Variants in COL23A1 observed in about 807,000 individuals in gnomAD.
COL23A1 encodes collagen type XXIII alpha 1 chain.
In COL23A1, 97 loss-of-function variants were observed where a neutral mutation model predicts 99.3. The ratio of observed to expected loss-of-function variants is 0.98; its 90% confidence interval spans 0.83 to 1.16. COL23A1 has a LOEUF of 1.16. Among genes scored for constraint, COL23A1 ranks in the 50% most tolerant of loss-of-function variants. COL23A1 has a pLI of 0.00. For synonymous variants in COL23A1, 320 were observed against 308.2 expected, an observed-to-expected ratio of 1.04 and a Z score of -0.40; for missense variants, 762 against 757.4, an observed-to-expected ratio of 1.01 and a Z score of -0.07.
At chr5:178,535,139 A>AT in intron 2 of COL23A1, among the ~76,000 whole-genome samples, 1 of 151,850 alleles carries the variant, frequency 6.6e-6, no homozygotes, top group African/African-American at 2.4e-5. Flanking sequence ...CACCCGGCTA[A>AT]TTTTTTGTAT....
chr5:178,298,683 G>T (rs1297490506), intron 3 of COL23A1, among the ~76,000 whole-genome samples: 1 of 152,166 alleles, frequency 6.6e-6, no homozygotes, highest in African/African-American at 2.4e-5. Context: ...GCTGCACCCT[G>T]GCTCCCAGCT....
At chr5:178,552,395 A>G (rs1364201900) in intron 2 of COL23A1, among the ~76,000 whole-genome samples, 1 of 152,178 alleles carries the variant, frequency 6.6e-6, no homozygotes, top group Non-Finnish European at 1.5e-5. Flanking sequence ...AAAATCAGAC[A>G]CACAAATGAC....
At chr5:178,547,342 T>C (rs188309510) in intron 2 of COL23A1, among the ~76,000 whole-genome samples, 1 of 151,846 alleles carries the variant, frequency 6.6e-6, no homozygotes, top group Non-Finnish European at 1.5e-5. Flanking sequence ...GGCGAGAACA[T>C]GGGAAAGAAC....
At chr5:178,486,598 T>G (rs1207089707) in intron 2 of COL23A1, among the ~76,000 whole-genome samples, 1 of 151,692 alleles carries the variant, frequency 6.6e-6, no homozygotes, top group Non-Finnish European at 1.5e-5. Flanking sequence ...GAAGAGACAG[T>G]TGGGTGGTTT....
chr5:178,304,505 C>CAAA (rs35806686), intron 3 of COL23A1, among the ~76,000 whole-genome samples: 13 of 32,212 alleles, frequency 4.0e-4, no homozygotes, highest in Non-Finnish European at 5.7e-4. Flanking sequence ...GCGACTGTCT[C>CAAA]AAAAAAAAAA....
At chr5:178,377,182 AC>A (rs1486692427) in intron 2 of COL23A1, among the ~76,000 whole-genome samples, 1 of 152,192 alleles carries the variant, frequency 6.6e-6, no homozygotes, top group Middle Eastern at 3.2e-3. Context: ...ACCAGCATCC[AC>A]CCAGCAGAGC....
chr5:178,426,348 C>T (rs1765934156), intron 2 of COL23A1, among the ~76,000 whole-genome samples: 1 of 152,212 alleles, frequency 6.6e-6, no homozygotes, highest in African/African-American at 2.4e-5. Context: ...GCATTCTCCC[C>T]TTCCTCATTA....
At chr5:178,507,937 A>G (rs1451460935) in intron 2 of COL23A1, among the ~76,000 whole-genome samples, 2 of 152,158 alleles carry the variant, frequency 1.3e-5, no homozygotes, top group Non-Finnish European at 2.9e-5. Context: ...CTCTCCTTCT[A>G]GCATTCTGAT....
At chr5:178,515,094 G>C (rs1204187314) in intron 2 of COL23A1, among the ~76,000 whole-genome samples, 1 of 152,236 alleles carries the variant, frequency 6.6e-6, no homozygotes, top group East Asian at 1.9e-4. Context: ...CATGTGCTGT[G>C]CATGCTTCTG....
intron 1 of COL23A1, among the ~76,000 whole-genome samples, chr5:178,572,072 C>CAAAAAAAAAAAAAAAAAAAAAAAAAA (rs57863132): frequency 1.8e-5 from 2 of 109,494 alleles, no homozygotes; most frequent in African/African-American, 3.9e-5. Flanking sequence ...TTTCTCAAAA[C>CAAAAAAAAAAAAAAAAAAAAAAAAAA]AAAAAAAAAA....
chr5:178,242,142 GA>G lies in COL23A1; in HGVS notation c.1495-15del. 6.5e-7 allele frequency: 1 copy of G among 1,549,246 alleles called. No individual in the cohort carries two copies. Among genetic ancestry groups the G allele is most frequent in the South Asian group, 1.2e-5 (1 of 84,144 alleles). On this transcript the variant is annotated splice_polypyrimidine_tract_variant and intron_variant, in intron 26 of 28. Coordinates refer to ENST00000390654, the MANE Select transcript of COL23A1 (RefSeq NM_173465.4). ...CCCTCGTTCTCCCTGTGCAGGAGGG[GA>G]GATGGTGGTATTGGTCATGGCTGCC...
At chr5:178,462,623 C>T (rs59564007) in intron 2 of COL23A1, among the ~76,000 whole-genome samples, 3,530 of 152,196 alleles carry the variant, frequency 0.023, 160 homozygotes, top group African/African-American at 0.081. Flanking sequence ...TGAAAATGCA[C>T]GACCAGGCCA....
intron 2 of COL23A1, chr5:178,377,806 C>T: frequency 6.5e-6 from 1 of 152,708 alleles, no homozygotes; most frequent in Non-Finnish European, 1.5e-5. Context: ...GCTTTAGGGG[C>T]TGGTGAGCCA....
intron 2 of COL23A1, among the ~76,000 whole-genome samples, chr5:178,327,211 G>A (rs771560660): frequency 9.9e-5 from 15 of 152,174 alleles, no homozygotes; most frequent in South Asian, 6.2e-4. Flanking sequence ...GGGATACTTC[G>A]GTGAGTGCAT....
At chr5:178,295,188 A>G (rs978165336) in intron 3 of COL23A1, among the ~76,000 whole-genome samples, 11 of 152,190 alleles carry the variant, frequency 7.2e-5, no homozygotes, top group Admixed American at 7.2e-4. Context: ...CTGGCTCAAA[A>G]ACAAAGCCAA....
At chr5:178,576,331 C>G (rs1763356041) in intron 1 of COL23A1, among the ~76,000 whole-genome samples, 1 of 152,142 alleles carries the variant, frequency 6.6e-6, no homozygotes, top group Admixed American at 6.5e-5. Flanking sequence ...CTCCGCCTCC[C>G]GGGTTCAACC....
Position 178,556,888 on chromosome 5 carries a change from G to C in COL23A1, c.361+3794C>G, listed in dbSNP as rs570199519. On this transcript the variant is annotated intron_variant, in intron 2 of 28. Transcript: ENST00000390654. ...GAATCGCTTGAATACGGGAGGCAGA[G>C]GCTGCAGTGAGCTGAGATCGCGCCA... Among the ~76,000 whole-genome samples the C allele has an allele frequency of 5.9e-5, 9 of 152,142 alleles. No homozygotes were observed. In the Middle Eastern group the frequency reaches 0.01, roughly 172 times the overall value.
chr5:178,508,312 G>A (rs528512982), intron 2 of COL23A1, among the ~76,000 whole-genome samples: 29 of 152,262 alleles, frequency 1.9e-4, no homozygotes, highest in Admixed American at 1.1e-3. Flanking sequence ...CTGTTTTACA[G>A]TCCTTTCCAG....
chr5:178,547,093 G>A (rs1761621763), intron 2 of COL23A1, among the ~76,000 whole-genome samples: 1 of 152,164 alleles, frequency 6.6e-6, no homozygotes, highest in South Asian at 2.1e-4. Flanking sequence ...AACAGGAAAT[G>A]TCAGCTGCAA....
Sources: allele counts gnomAD v4.1 joint callset (sites outside exome capture counted in the v4.1 genomes callset), GRCh38; gene constraint gnomAD v4.1.1; transcripts MANE v1.5; gene names NCBI Gene and HGNC (gene_info 2026-07-23, HGNC 2026-07-21).